The following CFAP299 variants were observed in gnomAD, a reference collection of about 807,000 sequenced individuals.
CFAP299 encodes cilia- and flagella-associated protein 299.
A neutral mutation model predicts 27.0 loss-of-function variants in CFAP299; 21 were observed. That is an observed-to-expected ratio of 0.78 (90% CI 0.55 to 1.12). The LOEUF is 1.12. Among genes scored for constraint, CFAP299 ranks in the 50% most tolerant of loss-of-function variants. The pLI is 0.00. For missense variants in CFAP299, 310 were observed against 276.6 expected, an observed-to-expected ratio of 1.12 and a Z score of -0.86; for synonymous variants, 104 against 98.1, an observed-to-expected ratio of 1.06 and a Z score of -0.36.
At chr4:80,386,519 G>T (rs200362259) in intron 2 of CFAP299, 61 of 1,567,858 alleles carry the variant, frequency 3.9e-5, no homozygotes, top group Middle Eastern at 1.7e-4. Context: ...TGGTGGGGGG[G>T]GGGGGTGCCG....
At chr4:80,915,178 T>C (rs1186260855) in intron 4 of CFAP299, among the ~76,000 whole-genome samples, 1 of 152,016 alleles carries the variant, frequency 6.6e-6, no homozygotes, top group East Asian at 1.9e-4. Context: ...ATATAAAAGT[T>C]TTTAAATTTT....
intron 3 of CFAP299, among the ~76,000 whole-genome samples, chr4:80,820,199 G>A (rs543322723): frequency 1.6e-3 from 238 of 152,140 alleles, no homozygotes; most frequent in African/African-American, 5.4e-3. Context: ...ATGATATTAT[G>A]ATTAGTCACA....
At chr4:80,730,248 C>CTGTGTGTGTGTGTG (rs34594345) in intron 3 of CFAP299, among the ~76,000 whole-genome samples, 1 of 130,878 alleles carries the variant, frequency 7.6e-6, no homozygotes, top group Non-Finnish European at 1.6e-5. Flanking sequence ...CTCTCTCTCT[C>CTGTGTGTGTGTGTG]TGTGTGTGTG....
At chr4:80,435,386 C>CT (rs1419996468) in intron 2 of CFAP299, among the ~76,000 whole-genome samples, 2 of 152,174 alleles carry the variant, frequency 1.3e-5, no homozygotes, top group Non-Finnish European at 2.9e-5. Flanking sequence ...CAAATTAGAT[C>CT]TTTGGCTATA....
the CFAP299 span, among the ~76,000 whole-genome samples, chr4:80,329,148 C>A: frequency 1.3e-3 from 200 of 150,308 alleles, 1 homozygote; most frequent in African/African-American, 4.4e-3. Context: ...CAAGATAATT[C>A]TTCTTCCAAT....
intron 3 of CFAP299, among the ~76,000 whole-genome samples, chr4:80,647,032 A>G (rs1359349125): frequency 6.6e-6 from 1 of 151,872 alleles, no homozygotes; most frequent in African/African-American, 2.4e-5. Flanking sequence ...TTAAATAGGT[A>G]AATAGATATA....
chr4:80,386,853 A>G (rs1437471040), intron 2 of CFAP299: 2 of 880,112 alleles, frequency 2.3e-6, no homozygotes, highest in Non-Finnish European at 3.9e-6. Flanking sequence ...TCTCTCTTAC[A>G]GTTTGTCCTT....
chr4:80,574,557 T>C (rs781624342), intron 2 of CFAP299, among the ~76,000 whole-genome samples: 1 of 152,150 alleles, frequency 6.6e-6, no homozygotes, highest in African/African-American at 2.4e-5. Flanking sequence ...GAAAAGACTT[T>C]CAATTTTTCC....
At chr4:80,432,967 TA>T (rs1284919925) in intron 2 of CFAP299, among the ~76,000 whole-genome samples, 1 of 152,234 alleles carries the variant, frequency 6.6e-6, no homozygotes, top group Non-Finnish European at 1.5e-5. Context: ...TCACCTTCTT[TA>T]CTCATCTTAT....
chr4:80,634,167 A>T (rs1220416478), intron 3 of CFAP299, among the ~76,000 whole-genome samples: 1 of 151,822 alleles, frequency 6.6e-6, no homozygotes, highest in South Asian at 2.1e-4. Context: ...TATTTTTAGT[A>T]GAGATGGGGT....
intron 3 of CFAP299, among the ~76,000 whole-genome samples, chr4:80,753,396 T>C (rs948651237): frequency 5.9e-5 from 9 of 152,258 alleles, no homozygotes; most frequent in Non-Finnish European, 1.0e-4. Context: ...GTAATGTGCC[T>C]TTTTTCTCTG....
intron 3 of CFAP299, among the ~76,000 whole-genome samples, chr4:80,718,749 C>T (rs1042306821): frequency 6.6e-6 from 1 of 151,738 alleles, no homozygotes; most frequent in African/African-American, 2.4e-5. Flanking sequence ...TTAAAAAAAT[C>T]GTTAACTCTC....
intron 3 of CFAP299, among the ~76,000 whole-genome samples, chr4:80,675,819 G>C (rs1719410252): frequency 5.3e-5 from 8 of 152,240 alleles, no homozygotes; most frequent in Admixed American, 5.2e-4. Context: ...AGTGAGCAAG[G>C]CTCCACGGGT....
At chr4:80,832,886 A>G (rs1418860974) in intron 3 of CFAP299, among the ~76,000 whole-genome samples, 1 of 152,126 alleles carries the variant, frequency 6.6e-6, no homozygotes, top group Non-Finnish European at 1.5e-5. Context: ...ATTTGCAATA[A>G]TTGTTACCAT....
chr4:80,527,943 T>G (rs553100563), intron 2 of CFAP299, among the ~76,000 whole-genome samples: 1 of 152,296 alleles, frequency 6.6e-6, no homozygotes, highest in East Asian at 1.9e-4. Flanking sequence ...ACATTAGGAT[T>G]ACAAGTGGCA....
chr4:80,620,579 T>C (rs886113026), intron 3 of CFAP299, among the ~76,000 whole-genome samples: 1 of 152,250 alleles, frequency 6.6e-6, no homozygotes, highest in Non-Finnish European at 1.5e-5. Flanking sequence ...GGATGATGGC[T>C]TGATTCCTGA....
chr4:80,923,130 A>G (rs1024498184), intron 4 of CFAP299, among the ~76,000 whole-genome samples: 3 of 152,024 alleles, frequency 2.0e-5, no homozygotes, highest in Non-Finnish European at 2.9e-5. Flanking sequence ...GGATTCCTTC[A>G]TGGTTGTTAC....
At chr4:80,592,952 G>A (rs536852769) in intron 3 of CFAP299, among the ~76,000 whole-genome samples, 48 of 152,228 alleles carry the variant, frequency 3.2e-4, no homozygotes, top group African/African-American at 1.1e-3. Flanking sequence ...TCTAAGATGT[G>A]GTGAAATAAT....
intron 1 of CFAP299, among the ~76,000 whole-genome samples, chr4:80,355,353 G>GTTTTTTTT (rs1182451555): frequency 1.0e-5 from 1 of 95,602 alleles, no homozygotes. Context: ...CATGTCCTTT[G>GTTTTTTTT]CTTTTTTTTT....
Sources: allele counts gnomAD v4.1 joint callset (sites outside exome capture counted in the v4.1 genomes callset), GRCh38; gene constraint gnomAD v4.1.1; transcripts MANE v1.5; gene names NCBI Gene and HGNC (gene_info 2026-07-23, HGNC 2026-07-21).